The following PRDM1 variants were observed in gnomAD, a reference collection of about 807,000 sequenced individuals.
The protein encoded by PRDM1 is PR domain zinc finger protein 1.
Under a neutral mutation model 62.8 loss-of-function variants are expected in PRDM1, and 13 were observed. The ratio of observed to expected loss-of-function variants is 0.21; its 90% CI spans 0.13 to 0.33. The LOEUF (loss-of-function observed/expected upper bound fraction) is 0.33, where lower values mean the gene tolerates loss of function less well. PRDM1 is among the 10% of genes least tolerant of loss of function. The probability of loss-of-function intolerance (pLI) is 1.00; values close to 1 mark genes in which losing one functional copy is unlikely to be tolerated. For synonymous variants in PRDM1, 396 were observed against 417.6 expected (o/e 0.95, Z 0.63); for missense variants, 895 against 1,058.8 (o/e 0.85, Z 2.15).
chr6:106,086,666 GTTA>G (rs531371525), intron 1 of PRDM1, 71 bp downstream of exon 1: 59 of 1,362,770 alleles, frequency 4.3e-5, no homozygotes, highest in South Asian at 1.8e-4. Flanking sequence ...TTCCTTTATT[GTTA>G]TTATTATTAA....
chr6:106,070,855 C>T (rs1266966750), intron 1 of PRDM1, among the ~76,000 whole-genome samples: 1 of 152,182 alleles, frequency 6.6e-6, no homozygotes, highest in Non-Finnish European at 1.5e-5. Flanking sequence ...ATGCCATACC[C>T]CAAAGATTGG....
chr6:106,043,611 G>T (rs971350970), upstream of PRDM1, among the ~76,000 whole-genome samples: 2 of 151,984 alleles, frequency 1.3e-5, no homozygotes. Context: ...TTGGCTCCCC[G>T]CAACCTCCGC....
intron 1 of PRDM1, among the ~76,000 whole-genome samples, chr6:106,017,627 C>T (rs1229147945): frequency 5.9e-5 from 9 of 152,200 alleles, no homozygotes; most frequent in Admixed American, 3.9e-4. Context: ...TGACCCTGGG[C>T]AAATGTCCCC....
In PRDM1 at chr6:106,106,963, T is replaced by A. The variant is rs751984865; in HGVS notation, c.1955T>A (p.Leu652His). 6.2e-7 allele frequency: 1 copy of A among 1,614,168 alleles called. No homozygotes were observed. Residue 652 changes from leucine to histidine, a missense_variant, in exon 7 of 7, where the codon CTC becomes CAC. Transcript: ENST00000369096. The surrounding 1 kb of genome is among the most constrained non-coding windows in gnomAD (Gnocchi z 4.4). Reference protein sequence around the residue: ...STSNLKTHLRLHSGEKPYQCK... With the variant: ...STSNLKTHLRHHSGEKPYQCK... Reference sequence around the variant, plus strand: ...AGCAATCTCAAGACCCACCTGCGACTCCATTCTGGAGAGAAACCATACCAA... The same window carrying A: ...AGCAATCTCAAGACCCACCTGCGACACCATTCTGGAGAGAAACCATACCAA...
intron 1 of PRDM1, among the ~76,000 whole-genome samples, chr6:106,075,555 C>G (rs1773593130): frequency 6.6e-6 from 1 of 152,208 alleles, no homozygotes; most frequent in African/African-American, 2.4e-5. Flanking sequence ...TTCCCTGGCC[C>G]TCAGGGGCTA....
chr6:106,039,616 T>C (rs1199741800), intron 1 of PRDM1, among the ~76,000 whole-genome samples: 1 of 152,218 alleles, frequency 6.6e-6, no homozygotes, highest in African/African-American at 2.4e-5. Flanking sequence ...TTGTACTGAT[T>C]GAAATATAGG....
chr6:106,082,883 G>A (rs185033261), upstream of PRDM1, among the ~76,000 whole-genome samples: 393 of 152,110 alleles, frequency 2.6e-3, 2 homozygotes, highest in Non-Finnish European at 3.4e-3. Flanking sequence ...GAAACATATC[G>A]TACACATATC....
intron 3 of PRDM1, chr6:106,098,157 CT>C: frequency 1.0e-6 from 1 of 983,218 alleles, no homozygotes; most frequent in Non-Finnish European, 1.2e-6. Flanking sequence ...CACAAAATTC[CT>C]GCTACGAACA....
chr6:106,010,734 C>T (rs921083520), intron 1 of PRDM1, among the ~76,000 whole-genome samples: 5 of 152,104 alleles, frequency 3.3e-5, no homozygotes, highest in Admixed American at 1.3e-4. Flanking sequence ...ACCGTGGAGC[C>T]GTATTATCAC....
intron 1 of PRDM1, among the ~76,000 whole-genome samples, chr6:106,068,799 A>T (rs1471783044): frequency 6.6e-6 from 1 of 152,198 alleles, no homozygotes; most frequent in Admixed American, 6.5e-5. Flanking sequence ...CACATAAGGA[A>T]ATTATGTTAC....
At chr6:106,006,258 T>C (rs961396223) in intron 1 of PRDM1, among the ~76,000 whole-genome samples, 1 of 152,214 alleles carries the variant, frequency 6.6e-6, no homozygotes, top group African/African-American at 2.4e-5. Flanking sequence ...TCCTCCCTTA[T>C]ATGGATGGTA....
intron 1 of PRDM1, among the ~76,000 whole-genome samples, chr6:105,996,323 TTGG>T (rs1772348909): frequency 6.6e-6 from 1 of 152,182 alleles, no homozygotes; most frequent in Non-Finnish European, 1.5e-5. Flanking sequence ...CTGGTTCTGC[TTGG>T]TGTAGTAAAA....
chr6:106,006,407 C>G (rs1404901838), intron 1 of PRDM1, among the ~76,000 whole-genome samples: 1 of 148,370 alleles, frequency 6.7e-6, no homozygotes. Context: ...AATGAGCTTG[C>G]AATTATGAGA....
chr6:106,049,701 C>A (rs1773140743), intron 1 of PRDM1, among the ~76,000 whole-genome samples: 1 of 152,184 alleles, frequency 6.6e-6, no homozygotes, highest in Non-Finnish European at 1.5e-5. Flanking sequence ...CACACACACA[C>A]AAACACACAG....
intron 1 of PRDM1, among the ~76,000 whole-genome samples, chr6:106,063,825 C>T (rs1181018268): frequency 6.6e-6 from 1 of 152,156 alleles, no homozygotes; most frequent in Non-Finnish European, 1.5e-5. Flanking sequence ...TTATTTAAAG[C>T]AAATTATTCA....
At chr6:106,038,014 C>T (rs369654057) in intron 1 of PRDM1, among the ~76,000 whole-genome samples, 148 of 47,756 alleles carry the variant, frequency 3.1e-3, no homozygotes, top group East Asian at 5.4e-3. Flanking sequence ...CTATTTTTGT[C>T]TTTTTTTTTT....
Position 106,107,400 on chromosome 6 carries a change from C to G in PRDM1, c.2392C>G (p.Pro798Ala). The change falls in exon 7 of 7, where the codon CCC (proline) becomes GCC (alanine). Residue 798 changes from proline (P) to alanine (A), a missense_variant. Coordinates refer to ENST00000369096, the MANE Select transcript of PRDM1 (RefSeq NM_001198.4). ...GCSLYESSDLPLMKLPPSNPL... is the reference protein window; with the variant it reads ...GCSLYESSDLALMKLPPSNPL... The stretch of plus-strand genomic sequence containing the variant: ...CAGCCTTTATGAGTCATCAGATCTA[C>G]CCCTCATGAAGTTGCCTCCCAGCAA... 3 of 1,614,096 alleles carry G rather than the reference C, an allele frequency of 1.9e-6. No homozygotes were observed. Among genetic ancestry groups the G allele is most frequent in the Non-Finnish European group, 2.5e-6 (3 of 1,179,996 alleles).
Position 106,106,591 on chromosome 6 carries a change from C to G in PRDM1, c.1902+92C>G, listed in dbSNP as rs1774498172. On this transcript the variant is annotated intron_variant, in intron 6 of 6. Coordinates refer to ENST00000369096, the MANE Select transcript of PRDM1 (RefSeq NM_001198.4). The surrounding 1 kb of genome is among the most constrained non-coding windows in gnomAD (Gnocchi z 4.4). ...GTCCTATATAGCCCGTAGTTAAAGC[C>G]AACACCAGATTCTGCGTTGTCCCAT... 2.0e-6 allele frequency: 3 copies of G among 1,530,716 alleles called. No individual in the cohort carries two copies. In the Admixed American group the frequency reaches 5.3e-5, roughly 27 times the overall value. 94.8% of individuals were successfully genotyped at this position (1,530,716 alleles called of 1,614,324 possible). A position where few individuals can be genotyped will look rare whatever the true frequency, so the allele number is the denominator to read the frequency against.
intron 1 of PRDM1, among the ~76,000 whole-genome samples, chr6:105,997,675 A>G (rs1049912445): frequency 6.6e-6 from 1 of 152,228 alleles, no homozygotes; most frequent in African/African-American, 2.4e-5. Flanking sequence ...TTACCCTCAT[A>G]AAGCTCGTAT....
Sources: allele counts gnomAD v4.1 joint callset (sites outside exome capture counted in the v4.1 genomes callset), GRCh38; gene constraint gnomAD v4.1.1; non-coding constraint Gnocchi (gnomAD v3.1); transcripts MANE v1.5; gene names NCBI Gene and HGNC (gene_info 2026-07-23, HGNC 2026-07-21).